Variants in ULK4 observed in about 807,000 individuals in gnomAD.
The protein encoded by ULK4 is inactive serine/threonine-protein kinase ULK4.
ULK4 carries 133 observed loss-of-function variants against 160.6 expected under a neutral mutation model. The observed-to-expected ratio is 0.83, with a 90% CI of 0.72 to 0.96. The LOEUF (loss-of-function observed/expected upper bound fraction) is 0.96, where lower values mean the gene tolerates loss of function less well. ULK4 is among the 40% of genes least tolerant of loss of function. The pLI, the probability that ULK4 is intolerant of heterozygous loss-of-function variation, is 0.00. For synonymous variants in ULK4, 534 were observed against 539.8 expected, an observed-to-expected ratio of 0.99 and a Z score of 0.15; for missense variants, 1,580 against 1,499.5, an observed-to-expected ratio of 1.05 and a Z score of -0.89.
intron 35 of ULK4, among the ~76,000 whole-genome samples, chr3:41,368,538 T>C (rs1008343970): frequency 1.3e-5 from 2 of 152,208 alleles, no homozygotes; most frequent in South Asian, 2.1e-4. Flanking sequence ...CCTCTCTCTA[T>C]AGCCTCCAGC....
intron 34 of ULK4, among the ~76,000 whole-genome samples, chr3:41,398,575 A>G (rs1575512455): frequency 7.5e-6 from 1 of 133,036 alleles, no homozygotes; most frequent in East Asian, 2.1e-4. Flanking sequence ...TTTTTTTGGT[A>G]GAGACGTGGT....
intron 30 of ULK4, among the ~76,000 whole-genome samples, chr3:41,638,605 G>A (rs2034054771): frequency 6.6e-6 from 1 of 152,246 alleles, no homozygotes; most frequent in South Asian, 2.1e-4. Flanking sequence ...GCAAGTCACA[G>A]AACATCATTT....
chr3:41,380,576 C>A (rs993375616), intron 35 of ULK4, among the ~76,000 whole-genome samples: 1 of 152,104 alleles, frequency 6.6e-6, no homozygotes, highest in African/African-American at 2.4e-5. Context: ...ACTCTTCAGG[C>A]TCCAGCAAGG....
chr3:41,534,236 C>T (rs901036026), intron 32 of ULK4, among the ~76,000 whole-genome samples: 2 of 152,164 alleles, frequency 1.3e-5, no homozygotes, highest in African/African-American at 4.8e-5. Flanking sequence ...TTCTGACACT[C>T]CATAAACCAA....
chr3:41,795,265 A>C, intron 20 of ULK4, among the ~76,000 whole-genome samples: 1 of 152,042 alleles, frequency 6.6e-6, no homozygotes, highest in East Asian at 1.9e-4. Context: ...TGCAGGTGCA[A>C]TTTTTTTTGT....
chr3:41,627,217 T>G (rs1310434122), intron 30 of ULK4, among the ~76,000 whole-genome samples: 2 of 152,110 alleles, frequency 1.3e-5, no homozygotes, highest in Non-Finnish European at 2.9e-5. Flanking sequence ...AGCAGAGGAA[T>G]CAGGAGAAGG....
intron 31 of ULK4, among the ~76,000 whole-genome samples, chr3:41,575,992 C>T (rs2088176787): frequency 6.6e-6 from 1 of 152,178 alleles, no homozygotes; most frequent in African/African-American, 2.4e-5. Context: ...AGGAGCAGCT[C>T]CCTGGGGATG....
chr3:41,572,191 A>C (rs2088001931), intron 31 of ULK4, among the ~76,000 whole-genome samples: 1 of 152,170 alleles, frequency 6.6e-6, no homozygotes, highest in East Asian at 1.9e-4. Context: ...CCTTGCCCCT[A>C]ATCACCATGA....
intron 21 of ULK4, among the ~76,000 whole-genome samples, chr3:41,761,591 G>C (rs1019208166): frequency 7.3e-5 from 11 of 151,470 alleles, no homozygotes; most frequent in Non-Finnish European, 1.6e-4. Flanking sequence ...AATAAGTGAG[G>C]ATATAGAAGA....
At chr3:41,496,849 A>G (rs767965149) in intron 32 of ULK4, among the ~76,000 whole-genome samples, 16 of 152,184 alleles carry the variant, frequency 1.1e-4, no homozygotes, top group Admixed American at 2.6e-4. Flanking sequence ...ACCCACGATT[A>G]GAAAAACAAA....
intron 34 of ULK4, among the ~76,000 whole-genome samples, chr3:41,409,831 C>T (rs1056926484): frequency 6.6e-6 from 1 of 152,002 alleles, no homozygotes; most frequent in Non-Finnish European, 1.5e-5. Context: ...CACCTGTAGT[C>T]CCAGCTACTT....
chr3:41,648,323 C>G (rs1016180983), intron 30 of ULK4, among the ~76,000 whole-genome samples: 1 of 152,192 alleles, frequency 6.6e-6, no homozygotes, highest in African/African-American at 2.4e-5. Context: ...GGAGCTGTTC[C>G]TATTCGGCCA....
chr3:41,375,013 T>A (rs2081453173), intron 35 of ULK4, among the ~76,000 whole-genome samples: 1 of 152,162 alleles, frequency 6.6e-6, no homozygotes, highest in Admixed American at 6.6e-5. Context: ...AGCCAAATCA[T>A]GAGCATACTC....
chr3:41,532,167 T>C (rs2086342827), intron 32 of ULK4, among the ~76,000 whole-genome samples: 1 of 152,242 alleles, frequency 6.6e-6, no homozygotes, highest in African/African-American at 2.4e-5. Context: ...TTTTTCTTAC[T>C]GCTCTTCCCA....
chr3:41,462,598 C>T (rs892707343), intron 33 of ULK4, among the ~76,000 whole-genome samples: 1 of 152,154 alleles, frequency 6.6e-6, no homozygotes, highest in Non-Finnish European at 1.5e-5. Flanking sequence ...TCTCACAAGT[C>T]CATGGTATCA....
At chr3:41,921,155 T>C (rs904232048) in intron 5 of ULK4, among the ~76,000 whole-genome samples, 1 of 149,878 alleles carries the variant, frequency 6.7e-6, no homozygotes, top group African/African-American at 2.5e-5. Flanking sequence ...CTACCAAAAA[T>C]ACAAAAATTA....
intron 34 of ULK4, among the ~76,000 whole-genome samples, chr3:41,416,240 C>G (rs535411098): frequency 8.7e-6 from 1 of 114,648 alleles, no homozygotes; most frequent in African/African-American, 4.0e-5. Flanking sequence ...TTTACTTGGT[C>G]TGGTATTTTT....
At chr3:41,851,300 T>G (rs1474976496) in intron 17 of ULK4, among the ~76,000 whole-genome samples, 1 of 152,092 alleles carries the variant, frequency 6.6e-6, no homozygotes, top group South Asian at 2.1e-4. Context: ...CTGTTGAATT[T>G]TGTCAAAGGC....
At chr3:41,266,223 C>A (rs2079030149) in intron 35 of ULK4, among the ~76,000 whole-genome samples, 1 of 152,150 alleles carries the variant, frequency 6.6e-6, no homozygotes, top group Non-Finnish European at 1.5e-5. Context: ...GTGCAGGTAG[C>A]AGGACAGGGT....
Sources: allele counts gnomAD v4.1 joint callset (sites outside exome capture counted in the v4.1 genomes callset), GRCh38; gene constraint gnomAD v4.1.1; transcripts MANE v1.5; gene names NCBI Gene and HGNC (gene_info 2026-07-23, HGNC 2026-07-21).